The following EGFR variants were observed in gnomAD, a reference collection of about 807,000 sequenced individuals.
EGFR encodes the protein epidermal growth factor receptor.
In EGFR, 58 loss-of-function variants were observed where a neutral mutation model predicts 143.0. That is an observed-to-expected ratio of 0.41 (90% confidence interval 0.33 to 0.50). The LOEUF (loss-of-function observed/expected upper bound fraction) is 0.50, where lower values mean the gene tolerates loss of function less well. EGFR is among the 20% of genes least tolerant of loss of function. The probability of loss-of-function intolerance (pLI) is 0.39; values close to 1 mark genes in which losing one functional copy is unlikely to be tolerated. For missense variants in EGFR, 1,307 were observed against 1,579.0 expected (o/e 0.83, Z 2.92); for synonymous variants, 613 against 594.4 (o/e 1.03, Z -0.45).
rs2128975149 is a variant in EGFR, at chr7:55,205,300, C to A, written c.3316C>A (p.Gln1106Lys). The A allele has an allele frequency of 6.2e-7, 1 of 1,612,474 alleles. No individual in the cohort carries two copies. Among genetic ancestry groups the A allele is most frequent in the Admixed American group, 1.7e-5 (1 of 59,926 alleles). The change falls in exon 28 of 28, where the codon CAG becomes AAG. Residue 1106 changes from glutamine to lysine, a missense_variant. This residue lies in a region of EGFR where 313 missense variants were observed against 312.3 expected (regional missense o/e 1.00). Transcript: ENST00000275493. ...SVPKRPAGSVQNPVYHNQPLN... is the reference protein window; with the variant it reads ...SVPKRPAGSVKNPVYHNQPLN... Reference sequence around the variant, plus strand: ...TCCCAAAAGGCCCGCTGGCTCTGTGCAGAATCCTGTCTATCACAATCAGCC... The same window carrying A: ...TCCCAAAAGGCCCGCTGGCTCTGTGAAGAATCCTGTCTATCACAATCAGCC...
At chr7:55,050,763 G>A (rs1348596012) in intron 1 of EGFR, among the ~76,000 whole-genome samples, 1 of 152,118 alleles carries the variant, frequency 6.6e-6, no homozygotes, top group Non-Finnish European at 1.5e-5. Flanking sequence ...TCATCTTGGA[G>A]CATGAGCCTT....
chr7:55,031,277 T>C (rs1787229717), intron 1 of EGFR, among the ~76,000 whole-genome samples: 1 of 152,212 alleles, frequency 6.6e-6, no homozygotes, highest in Non-Finnish European at 1.5e-5. Flanking sequence ...AGTTAGTATA[T>C]TGATTTCAGG....
At chr7:55,085,743 G>A (rs2128892136) in intron 1 of EGFR, among the ~76,000 whole-genome samples, 1 of 152,320 alleles carries the variant, frequency 6.6e-6, no homozygotes, top group East Asian at 1.9e-4. Flanking sequence ...GAGCTGGTGT[G>A]TAGCGGGTAC....
chr7:55,080,638 G>A (rs1790409575), intron 1 of EGFR, among the ~76,000 whole-genome samples: 1 of 152,140 alleles, frequency 6.6e-6, no homozygotes, highest in Non-Finnish European at 1.5e-5. Context: ...GGTAACTGTA[G>A]TTAGTGACAA....
At chr7:55,160,524 A>G (rs1469700137) in intron 12 of EGFR, among the ~76,000 whole-genome samples, 186 bp downstream of exon 12, 1 of 152,238 alleles carries the variant, frequency 6.6e-6, no homozygotes, top group East Asian at 1.9e-4. Context: ...TTTCCAGATC[A>G]TTACCATTCA....
At chr7:55,091,494 G>T (rs1256095215) in intron 1 of EGFR, among the ~76,000 whole-genome samples, 1 of 152,166 alleles carries the variant, frequency 6.6e-6, no homozygotes, top group Non-Finnish European at 1.5e-5. Context: ...TGGGGGTGGG[G>T]CCTGCAGTTA....
rs1430457138 is a variant in EGFR at position 55,207,336 on chromosome 7, C to A, written c.*1719C>A. On this transcript the variant is annotated 3_prime_UTR_variant, in exon 28 of 28. Transcript: ENST00000275493. ...AAATAAAACTATATTCATTTCCACTCTATTATGCTCTCAAATACCCCTAAG... is the reference window on the plus strand; with the variant it reads ...AAATAAAACTATATTCATTTCCACTATATTATGCTCTCAAATACCCCTAAG... 2.2e-5 allele frequency: 5 copies of A among 230,028 alleles called. No homozygotes were observed. Among genetic ancestry groups the A allele is most frequent in the Non-Finnish European group, 4.3e-5 (5 of 116,244 alleles). 14.2% of individuals were successfully genotyped at this position (230,028 alleles called of 1,614,324 possible).
intron 1 of EGFR, among the ~76,000 whole-genome samples, chr7:55,098,927 G>A (rs1029132994): frequency 6.6e-6 from 1 of 152,178 alleles, no homozygotes; most frequent in African/African-American, 2.4e-5. Flanking sequence ...TTCTGATTTC[G>A]AAGCAGTGGG....
At chr7:55,157,092 G>GC (rs1785460783) in intron 10 of EGFR, 2 of 821,216 alleles carry the variant, frequency 2.4e-6, no homozygotes, top group South Asian at 3.7e-5. Flanking sequence ...TGCCTTGGTG[G>GC]CCCATAACCC....
chr7:55,112,070 C>T lies in EGFR; in HGVS notation c.89-30216C>T, dbSNP rs1301700867. On this transcript the variant is annotated intron_variant, in intron 1 of 27. Transcript: ENST00000275493. Reference sequence around the variant, plus strand: ...CACCTGGGCTACCCAGCCTCACCCACGACGCCCTCACTAAGTGACCCACAG... The same window carrying T: ...CACCTGGGCTACCCAGCCTCACCCATGACGCCCTCACTAAGTGACCCACAG... Among the ~76,000 whole-genome samples the T allele has an allele frequency of 1.4e-4, 22 of 152,266 alleles. 1 individual carries two copies. The highest frequency in any genetic ancestry group is 6.5e-5 in the Admixed American group (1 of 15,300).
At chr7:55,190,618 G>A (rs188724624) in intron 20 of EGFR, among the ~76,000 whole-genome samples, 1 of 152,174 alleles carries the variant, frequency 6.6e-6, no homozygotes, top group African/African-American at 2.4e-5. Flanking sequence ...GAGCGGCAGA[G>A]TGGAGCAGGC....
At chr7:55,049,683 A>G (rs1243049020) in intron 1 of EGFR, among the ~76,000 whole-genome samples, 2 of 152,032 alleles carry the variant, frequency 1.3e-5, no homozygotes, top group Non-Finnish European at 2.9e-5. Flanking sequence ...AGCACAGCCT[A>G]TTGCAGGAAC....
At chr7:55,190,096 T>G (rs1229766388) in intron 20 of EGFR, among the ~76,000 whole-genome samples, 1 of 152,138 alleles carries the variant, frequency 6.6e-6, no homozygotes, top group East Asian at 1.9e-4. Context: ...GGGCCAGTCC[T>G]CTTTTGGGAA....
intron 1 of EGFR, among the ~76,000 whole-genome samples, chr7:55,122,243 C>G (rs1178752567): frequency 6.6e-6 from 1 of 152,202 alleles, no homozygotes; most frequent in Non-Finnish European, 1.5e-5. Context: ...CGACCTTGGC[C>G]TTTGGTAACG....
chr7:55,102,119 C>G (rs1388719445), intron 1 of EGFR, among the ~76,000 whole-genome samples: 1 of 152,156 alleles, frequency 6.6e-6, no homozygotes, highest in Non-Finnish European at 1.5e-5. Flanking sequence ...CCTGCAGGTC[C>G]CTGTGCTCCA....
intron 1 of EGFR, among the ~76,000 whole-genome samples, chr7:55,140,351 CT>C (rs2128924899): frequency 6.6e-6 from 1 of 152,208 alleles, no homozygotes; most frequent in South Asian, 2.1e-4. Flanking sequence ...CTAGCTGACC[CT>C]GTTCATCTGT....
chr7:55,158,137 T>C (rs1349654178), intron 11 of EGFR, among the ~76,000 whole-genome samples: 1 of 152,238 alleles, frequency 6.6e-6, no homozygotes, highest in Non-Finnish European at 1.5e-5. Flanking sequence ...ACCATGTCTG[T>C]TCAGCTGGTG....
At chr7:55,058,073 A>G (rs1788935461) in intron 1 of EGFR, among the ~76,000 whole-genome samples, 1 of 152,258 alleles carries the variant, frequency 6.6e-6, no homozygotes, top group Non-Finnish European at 1.5e-5. Context: ...TACTGGATAT[A>G]TACCCAAAGG....
chr7:55,153,250 C>T (rs931747193), intron 6 of EGFR, among the ~76,000 whole-genome samples: 1 of 152,228 alleles, frequency 6.6e-6, no homozygotes. Flanking sequence ...CGCCCCATTG[C>T]TCCAGAAAGT....
Sources: gnomAD v4.1 joint callset for allele counts (sites outside exome capture counted in the v4.1 genomes callset) on GRCh38, gnomAD v4.1.1 for gene constraint, gnomAD v4.1.1 regional missense constraint, MANE v1.5 for transcripts, NCBI Gene and HGNC (gene_info 2026-07-23, HGNC 2026-07-21) for gene names.